Variants in KCNMA1 observed in about 807,000 individuals in gnomAD.
The protein encoded by KCNMA1 is potassium calcium-activated channel subfamily M alpha 1.
Under a neutral mutation model 140.0 loss-of-function variants are expected in KCNMA1, and 29 were observed. The ratio of observed to expected loss-of-function variants is 0.21; its 90% confidence interval spans 0.15 to 0.28. KCNMA1 has a LOEUF of 0.28. Ranked by LOEUF, KCNMA1 falls within the 10% of genes least tolerant of loss-of-function variation. The probability of loss-of-function intolerance (pLI) is 1.00; values close to 1 mark genes in which losing one functional copy is unlikely to be tolerated. For missense variants in KCNMA1, 880 were observed against 1,602.2 expected (o/e 0.55, Z 7.70); for synonymous variants, 612 against 611.9 (o/e 1.00, Z 0.00).
At chr10:76,883,367 A>G (rs1343328003), downstream of KCNMA1, among the ~76,000 whole-genome samples, 1 of 152,230 alleles carries the variant, frequency 6.6e-6, no homozygotes, top group Non-Finnish European at 1.5e-5. Context: ...ATAATCTTTA[A>G]TATTCAGAAC....
At chr10:77,327,566 G>A (rs2084679067) in intron 2 of KCNMA1, among the ~76,000 whole-genome samples, 1 of 152,048 alleles carries the variant, frequency 6.6e-6, no homozygotes, top group Non-Finnish European at 1.5e-5. Flanking sequence ...TATTAGCCAG[G>A]CTGGTCTCGA....
intron 2 of KCNMA1, chr10:77,313,844 C>T (rs1201815351): frequency 6.6e-6 from 1 of 152,128 alleles, no homozygotes; most frequent in African/African-American, 2.4e-5. Flanking sequence ...GAATTTTGTA[C>T]CCTAATACTG....
At chr10:77,159,372 C>T (rs1342533483) in intron 5 of KCNMA1, among the ~76,000 whole-genome samples, 1 of 152,014 alleles carries the variant, frequency 6.6e-6, no homozygotes, top group Non-Finnish European at 1.5e-5. Flanking sequence ...TAGCATCTAT[C>T]TTAGATAGAT....
At chr10:77,629,728 T>C (rs1391700247) in intron 1 of KCNMA1, among the ~76,000 whole-genome samples, 1 of 152,204 alleles carries the variant, frequency 6.6e-6, no homozygotes, top group Admixed American at 6.5e-5. Context: ...GGGTCTTAAT[T>C]ATTTTTCCCC....
intron 1 of KCNMA1, among the ~76,000 whole-genome samples, chr10:77,511,004 C>A (rs1300442032): frequency 1.3e-5 from 2 of 152,192 alleles, no homozygotes; most frequent in African/African-American, 4.8e-5. Flanking sequence ...CGACCTGAAA[C>A]CTGGAAGTCT....
intron 1 of KCNMA1, among the ~76,000 whole-genome samples, chr10:77,591,090 G>A (rs1009756700): frequency 7.2e-5 from 11 of 152,132 alleles, no homozygotes; most frequent in African/African-American, 1.9e-4. Flanking sequence ...GCTGTGCAGC[G>A]CAGGCCACGT....
chr10:76,948,382 A>AT (rs1418335759), intron 22 of KCNMA1, among the ~76,000 whole-genome samples: 2 of 152,212 alleles, frequency 1.3e-5, no homozygotes, highest in Non-Finnish European at 2.9e-5. Context: ...TGAATTTGTG[A>AT]TGTGGAGAAT....
At chr10:77,332,568 G>C (rs2086878160) in intron 2 of KCNMA1, among the ~76,000 whole-genome samples, 1 of 104,462 alleles carries the variant, frequency 9.6e-6, no homozygotes, top group Non-Finnish European at 1.9e-5. Context: ...TGCCTCACTG[G>C]GTGGCAGAAT....
downstream of KCNMA1, chr10:76,884,395 T>C (rs765161481): frequency 3.3e-5 from 5 of 151,954 alleles, no homozygotes; most frequent in African/African-American, 1.2e-4. Flanking sequence ...GTTTGCCAAA[T>C]GGAATAGCTG....
At chr10:77,036,393 T>C (rs770501550) in intron 15 of KCNMA1, among the ~76,000 whole-genome samples, 11 of 152,206 alleles carry the variant, frequency 7.2e-5, no homozygotes, top group Non-Finnish European at 1.6e-4. Context: ...TATCTTTTCA[T>C]AGAATGACTC....
At chr10:77,465,512 A>G (rs607483) in intron 1 of KCNMA1, among the ~76,000 whole-genome samples, 123,188 of 152,098 alleles carry the variant, frequency 0.81, 50,246 homozygotes, top group African/African-American at 0.9. Context: ...CACTAGCTGT[A>G]TCTGCCTTGG....
At chr10:77,137,976 A>G (rs894650520) in intron 5 of KCNMA1, among the ~76,000 whole-genome samples, 1 of 152,040 alleles carries the variant, frequency 6.6e-6, no homozygotes, top group Non-Finnish European at 1.5e-5. Context: ...CATGTTGCCA[A>G]TCCTGGCTCC....
At chr10:77,290,812 C>A (rs180795844) in intron 2 of KCNMA1, among the ~76,000 whole-genome samples, 1 of 152,248 alleles carries the variant, frequency 6.6e-6, no homozygotes, top group Non-Finnish European at 1.5e-5. Context: ...GAGGAAAATT[C>A]TGTGTCATCG....
At position 77,316,866 on chromosome 10, in the gene KCNMA1, G is replaced by A. The variant is rs552640970; in HGVS notation, c.541-65610C>T. 8.5e-5 allele frequency among the ~76,000 whole-genome samples: 13 copies of A among 152,242 alleles called. No homozygotes were observed. The South Asian group carries it at 2.3e-3, about 27-fold the overall frequency. ...AAGTTAACCACATAAAGGAAAGTAG[G>A]GATATGGTCTGGGGGAAAGACTGCT... is the stretch of plus-strand genomic sequence containing the variant. On this transcript the variant is annotated intron_variant, in intron 2 of 27. Transcript: ENST00000286628.
chr10:77,311,203 C>A (rs1360877361), intron 2 of KCNMA1, among the ~76,000 whole-genome samples: 3 of 152,200 alleles, frequency 2.0e-5, no homozygotes, highest in African/African-American at 7.2e-5. Flanking sequence ...CATTACCAAG[C>A]CTGCACAACT....
At chr10:77,495,423 T>C (rs1409659360) in intron 1 of KCNMA1, among the ~76,000 whole-genome samples, 2 of 152,190 alleles carry the variant, frequency 1.3e-5, no homozygotes, top group African/African-American at 4.8e-5. Context: ...TCACGACACC[T>C]TCCTGGTCTA....
intron 2 of KCNMA1, chr10:77,373,975 T>C (rs35773): frequency 0.81 from 123,514 of 152,216 alleles, 50,315 homozygotes; most frequent in Middle Eastern, 0.88. Context: ...AGTGGGTGGT[T>C]ATGGCTGTGG....
At chr10:77,632,547 C>T (rs759037463) in intron 1 of KCNMA1, among the ~76,000 whole-genome samples, 15 of 152,174 alleles carry the variant, frequency 9.9e-5, no homozygotes, top group Admixed American at 2.0e-4. Context: ...GGACCCCATC[C>T]GTGAAGCCTA....
At chr10:77,190,028 T>A (rs1274108161) in intron 3 of KCNMA1, among the ~76,000 whole-genome samples, 1 of 152,184 alleles carries the variant, frequency 6.6e-6, no homozygotes, top group African/African-American at 2.4e-5. Flanking sequence ...CCTTCATTAT[T>A]TCATGAATGT....
Sources: gnomAD v4.1 joint callset for allele counts (sites outside exome capture counted in the v4.1 genomes callset) on GRCh38, gnomAD v4.1.1 for gene constraint, MANE v1.5 for transcripts, NCBI Gene and HGNC (gene_info 2026-07-23, HGNC 2026-07-21) for gene names.